The following SPG7 variants were observed in gnomAD, a reference collection of about 807,000 sequenced individuals.
SPG7 encodes SPG7 matrix AAA peptidase subunit, paraplegin, also known as mitochondrial inner membrane m-AAA protease component paraplegin.
A neutral mutation model predicts 81.9 loss-of-function variants in SPG7; 103 were observed. The ratio of observed to expected loss-of-function variants is 1.26; its 90% CI spans 1.07 to 1.48. The LOEUF (loss-of-function observed/expected upper bound fraction) is 1.48, where lower values mean the gene tolerates loss of function less well. SPG7 is among the 40% of genes most tolerant of loss of function. The probability of loss-of-function intolerance (pLI) is 0.00; values close to 1 mark genes in which losing one functional copy is unlikely to be tolerated. For synonymous variants in SPG7, 534 were observed against 444.2 expected, an observed-to-expected ratio of 1.20 and a Z score of -2.54; for missense variants, 1,241 against 1,087.3, an observed-to-expected ratio of 1.14 and a Z score of -1.99.
intron 16 of SPG7, chr16:89,554,806 C>A: frequency 2.0e-6 from 1 of 506,870 alleles, no homozygotes. Flanking sequence ...CTCTTCCTGC[C>A]ATTAGCAATT....
intron 6 of SPG7, chr16:89,530,421 G>A (rs922095858): frequency 3.9e-6 from 2 of 510,494 alleles, no homozygotes; most frequent in Non-Finnish European, 7.2e-6. Flanking sequence ...TAGGATTACA[G>A]GCGTGAGCCA....
intron 7 of SPG7, chr16:89,531,143 A>G (rs1434678407): frequency 2.4e-6 from 1 of 423,142 alleles, no homozygotes; most frequent in Non-Finnish European, 4.5e-6. Flanking sequence ...TGAGCTGCCT[A>G]TCACGTGCGT....
At chr16:89,540,739 C>G (rs1046730664) in intron 9 of SPG7, 1 of 264,994 alleles carries the variant, frequency 3.8e-6, no homozygotes, top group African/African-American at 2.3e-5. Context: ...TAAACGTGTG[C>G]TCACCATGTG....
chr16:89,519,788 CAG>C (rs2058160950), intron 3 of SPG7: 1 of 152,280 alleles, frequency 6.6e-6, no homozygotes, highest in South Asian at 2.1e-4. Context: ...TCTCCTCTGT[CAG>C]GGTCAGCTGT....
rs1159009357 is a variant in SPG7, at chr16:89,550,439, C to T, written c.1664-55C>T. The T allele has an allele frequency of 4.5e-5, 58 of 1,295,548 alleles. No individual in the cohort carries two copies. The East Asian group carries it at 1.3e-3, about 29-fold the overall frequency. The allele number at this position is 1,295,548 out of a possible 1,614,324, so 80.3% of individuals were successfully genotyped here. A position where few individuals can be genotyped will look rare whatever the true frequency, so the allele number is the denominator to read the frequency against. On this transcript the variant is annotated intron_variant, in intron 12 of 16. Transcript: ENST00000645818. ...CCGCCCGCCTTGGCCTCCCACAGCGCTGGGATTACAGGCGTGAGCCACCGC... is the reference window on the plus strand; with the variant it reads ...CCGCCCGCCTTGGCCTCCCACAGCGTTGGGATTACAGGCGTGAGCCACCGC...
intron 7 of SPG7, 117 bp from the exon 8 acceptor site, chr16:89,531,787 G>C: frequency 1.0e-6 from 1 of 986,738 alleles, no homozygotes; most frequent in Non-Finnish European, 1.6e-6. Flanking sequence ...AGGCTGCAGT[G>C]AGCTATCATG....
intron 9 of SPG7, among the ~76,000 whole-genome samples, chr16:89,542,646 G>A (rs1178372065): frequency 1.3e-5 from 2 of 152,172 alleles, no homozygotes; most frequent in Non-Finnish European, 2.9e-5. Context: ...GTCCAGACCT[G>A]GCGGCTACGG....
chr16:89,550,332 C>T, intron 12 of SPG7, 162 bp from the exon 13 acceptor site: 3 of 638,270 alleles, frequency 4.7e-6, no homozygotes, highest in Non-Finnish European at 8.7e-6. Context: ...GCCATCACAC[C>T]TAGCTAATTT....
intron 1 of SPG7, among the ~76,000 whole-genome samples, 154 bp from the exon 2 acceptor site, chr16:89,510,336 C>T (rs1166930253): frequency 6.6e-6 from 1 of 152,128 alleles, no homozygotes; most frequent in African/African-American, 2.4e-5. Flanking sequence ...AAAGCTTTGA[C>T]CTATTGCTCA....
At chr16:89,508,855 T>A (rs755451431) in intron 1 of SPG7, 12 of 664,914 alleles carry the variant, frequency 1.8e-5, no homozygotes, top group Admixed American at 4.1e-5. Context: ...ACCCGTCTGT[T>A]GTGTGTGGAT....
chr16:89,537,530 T>G, intron 9 of SPG7: 1 of 989,196 alleles, frequency 1.0e-6, no homozygotes, highest in Admixed American at 5.9e-5. Flanking sequence ...CATTTTATGC[T>G]TCGACTTTTT....
intron 9 of SPG7, among the ~76,000 whole-genome samples, chr16:89,534,959 C>T: frequency 6.6e-6 from 1 of 152,198 alleles, no homozygotes; most frequent in Admixed American, 6.5e-5. Context: ...TGGTCTTGAA[C>T]TCCTTGGCTC....
chr16:89,512,937 A>C lies in SPG7; in HGVS notation c.287-11A>C. 1.2e-6 allele frequency: 2 copies of C among 1,612,388 alleles called. No individual in the cohort carries two copies. Among genetic ancestry groups the C allele is most frequent in the East Asian group, 2.2e-5 (1 of 44,824 alleles). ...AACTTAATTGTTAAATCCTTTCTCT[A>C]TTTCTCATAGGTGGTACTTTCTATT... On this transcript the variant is annotated splice_polypyrimidine_tract_variant and intron_variant, in intron 2 of 16. Coordinates refer to ENST00000645818, the MANE Select transcript of SPG7 (RefSeq NM_003119.4).
At chr16:89,536,708 G>A in intron 9 of SPG7, 1 of 1,606,098 alleles carries the variant, frequency 6.2e-7, no homozygotes, top group Non-Finnish European at 8.5e-7. Flanking sequence ...CTCTGGCTGT[G>A]TGGCGTGGAC....
At chr16:89,508,971 T>A in intron 1 of SPG7, 1 of 485,944 alleles carries the variant, frequency 2.1e-6, no homozygotes, top group Non-Finnish European at 4.1e-6. Flanking sequence ...TCACCAGGAA[T>A]TCCAGCGCCT....
intron 9 of SPG7, chr16:89,537,047 T>C: frequency 1.4e-5 from 22 of 1,597,218 alleles, no homozygotes; most frequent in Non-Finnish European, 1.9e-5. Flanking sequence ...GGGAATCCGC[T>C]GACTGAAGGC....
chr16:89,511,234 A>G (rs1201508705), intron 2 of SPG7, among the ~76,000 whole-genome samples: 1 of 152,198 alleles, frequency 6.6e-6, no homozygotes, highest in Non-Finnish European at 1.5e-5. Context: ...AAGAATGTTT[A>G]GTAAGGATTT....
chr16:89,509,567 G>T (rs1203680537), intron 1 of SPG7, among the ~76,000 whole-genome samples: 1 of 151,826 alleles, frequency 6.6e-6, no homozygotes, highest in East Asian at 1.9e-4. Context: ...ATATTTAAAT[G>T]GGAAAATGTT....
rs373411893 is a variant in SPG7 at position 89,554,622 on chromosome 16, C to T, written c.2181+59C>T. The T allele has an allele frequency of 4.2e-5, 47 of 1,124,294 alleles. No individual in the cohort carries two copies. In the African/African-American group the frequency reaches 5.2e-4, roughly 12 times the overall value. 69.6% of individuals were successfully genotyped at this position (1,124,294 alleles called of 1,614,324 possible). On this transcript the variant is annotated intron_variant, in intron 16 of 16. Transcript: ENST00000645818. ...TCACACAGTGTCCACACAGCACCCA[C>T]GGTCCCCACCCCTCTCGTGAAGTAT...
Sources: gnomAD v4.1 joint callset for allele counts (sites outside exome capture counted in the v4.1 genomes callset) on GRCh38, gnomAD v4.1.1 for gene constraint, MANE v1.5 for transcripts, NCBI Gene and HGNC (gene_info 2026-07-23, HGNC 2026-07-21) for gene names.